The following ZFHX3 variants were observed in gnomAD, a reference collection of about 807,000 sequenced individuals.
ZFHX3 encodes zinc finger homeobox 3.
In ZFHX3, 42 loss-of-function variants were observed where a neutral mutation model predicts 279.1. That is an observed-to-expected ratio of 0.15 (90% CI 0.12 to 0.19). The LOEUF (loss-of-function observed/expected upper bound fraction) is 0.19, where lower values mean the gene tolerates loss of function less well. ZFHX3 is among the 10% of genes least tolerant of loss of function. ZFHX3 has a pLI of 1.00. For missense variants in ZFHX3, 4,981 were observed against 4,754.0 expected, an observed-to-expected ratio of 1.05 and a Z score of -1.40; for synonymous variants, 2,293 against 1,957.8, an observed-to-expected ratio of 1.17 and a Z score of -4.52.
At chr16:73,255,196 T>G (rs1011495912) in intron 5 of ZFHX3, among the ~76,000 whole-genome samples, 1 of 152,240 alleles carries the variant, frequency 6.6e-6, no homozygotes, top group Admixed American at 6.5e-5. Context: ...TACCTTTTTA[T>G]GAGTCATTGT....
At chr16:73,009,429 G>A (rs1001947520) in intron 1 of ZFHX3, among the ~76,000 whole-genome samples, 1 of 151,652 alleles carries the variant, frequency 6.6e-6, no homozygotes, top group South Asian at 2.1e-4. Flanking sequence ...ATGTACTCTT[G>A]GGAGCATTAT....
intron 2 of ZFHX3, among the ~76,000 whole-genome samples, chr16:73,559,978 G>A (rs943317371): frequency 1.3e-5 from 2 of 152,110 alleles, no homozygotes; most frequent in Admixed American, 1.3e-4. Flanking sequence ...CAGGATGCTT[G>A]TTATTAAAAG....
intron 9 of ZFHX3, among the ~76,000 whole-genome samples, chr16:72,792,759 G>GTTCT (rs2035755667): frequency 6.6e-6 from 1 of 152,140 alleles, no homozygotes; most frequent in South Asian, 2.1e-4. Context: ...CCTGATAGCA[G>GTTCT]TTCTTTTGCC....
At chr16:73,762,208 T>G (rs1006412177) in intron 1 of ZFHX3, among the ~76,000 whole-genome samples, 31 of 151,334 alleles carry the variant, frequency 2.0e-4, no homozygotes, top group African/African-American at 7.3e-4. Flanking sequence ...AAGATATTTA[T>G]GTGGCCAACA....
chr16:73,775,309 T>G (rs1445620552), intron 1 of ZFHX3, among the ~76,000 whole-genome samples: 1 of 152,184 alleles, frequency 6.6e-6, no homozygotes. Context: ...TTATTCTTAG[T>G]GAGGCCATCC....
chr16:73,390,751 A>C (rs6564150), intron 3 of ZFHX3, among the ~76,000 whole-genome samples: 1 of 151,782 alleles, frequency 6.6e-6, no homozygotes, highest in Non-Finnish European at 1.5e-5. Context: ...TTCTTTCATC[A>C]ATGAAAGGAG....
intron 2 of ZFHX3, among the ~76,000 whole-genome samples, chr16:73,529,087 A>G (rs2019746799): frequency 2.0e-5 from 3 of 152,224 alleles, no homozygotes; most frequent in South Asian, 2.1e-4. Context: ...AATACTCGTG[A>G]TGAGGCTAGA....
chr16:73,471,427 A>T (rs78338830), intron 2 of ZFHX3, among the ~76,000 whole-genome samples: 1 of 149,340 alleles, frequency 6.7e-6, no homozygotes. Context: ...TTTTTTTTTT[A>T]GACAGAATTT....
At chr16:73,518,698 G>GA (rs892214835) in intron 2 of ZFHX3, among the ~76,000 whole-genome samples, 9 of 151,980 alleles carry the variant, frequency 5.9e-5, no homozygotes, top group African/African-American at 1.7e-4. Flanking sequence ...TTTGCCGAAA[G>GA]AAAAAAAAGA....
chr16:73,460,743 G>T (rs1406950010), intron 2 of ZFHX3, among the ~76,000 whole-genome samples: 1 of 152,188 alleles, frequency 6.6e-6, no homozygotes, highest in Non-Finnish European at 1.5e-5. Context: ...TCTCATGAAT[G>T]CTTTAGCACC....
chr16:73,721,476 C>A lies in ZFHX3; in HGVS notation c.-1607-41236G>T, dbSNP rs182238015. ...GGCCCTGTGTCAGCTCTTGATTCCC[C>A]AGTCCTTGGATTTGCTGACCATTTA... On this transcript the variant is annotated intron_variant, in intron 1 of 17. Coordinates refer to the ZFHX3 transcript ENST00000641206. 1.4e-3 allele frequency among the ~76,000 whole-genome samples: 212 copies of A among 152,312 alleles called. 1 individual carries two copies. The highest frequency in any genetic ancestry group is 2.4e-3 in the Admixed American group (37 of 15,300).
chr16:73,658,535 T>C lies in ZFHX3; in HGVS notation c.-1547+21645A>G, dbSNP rs573346177. On this transcript the variant is annotated intron_variant, in intron 2 of 17. Transcript: ENST00000641206. ...CTAGGCTCGTCTCAAACTCCTGATC[T>C]CAGGTGATCTGCCCTCCTTGGTCTC... is the stretch of plus-strand genomic sequence containing the variant. 1.4e-4 allele frequency among the ~76,000 whole-genome samples: 21 copies of C among 152,298 alleles called. No individual in the cohort carries two copies. In the South Asian group the frequency reaches 4.2e-3, roughly 30 times the overall value.
intron 7 of ZFHX3, chr16:73,125,087 T>C (rs545503734): frequency 3.9e-5 from 6 of 151,914 alleles, no homozygotes; most frequent in African/African-American, 9.7e-5. Flanking sequence ...AAAGCAATAA[T>C]GCATAGGAAA....
intron 1 of ZFHX3, among the ~76,000 whole-genome samples, chr16:73,851,903 A>C (rs1386790869): frequency 2.0e-5 from 3 of 152,100 alleles, no homozygotes; most frequent in Non-Finnish European, 4.4e-5. Flanking sequence ...TGTCACAATG[A>C]TAGGGGAGGT....
chr16:73,028,552 G>A (rs535521680), intron 1 of ZFHX3, among the ~76,000 whole-genome samples: 1 of 152,312 alleles, frequency 6.6e-6, no homozygotes, highest in East Asian at 1.9e-4. Flanking sequence ...CACACCCAAG[G>A]GTGGGGAGAG....
At chr16:73,215,425 G>A (rs887940810) in intron 5 of ZFHX3, among the ~76,000 whole-genome samples, 1 of 152,174 alleles carries the variant, frequency 6.6e-6, no homozygotes, top group Non-Finnish European at 1.5e-5. Context: ...CAAACCAGAT[G>A]GGTCTGAAAG....
chr16:73,262,672 A>G (rs2013858522), intron 4 of ZFHX3, among the ~76,000 whole-genome samples: 1 of 152,182 alleles, frequency 6.6e-6, no homozygotes, highest in Admixed American at 6.5e-5. Flanking sequence ...GACAGGCACA[A>G]ATTCCTTGCA....
chr16:73,315,744 A>G (rs557653078), intron 4 of ZFHX3, among the ~76,000 whole-genome samples: 6 of 152,352 alleles, frequency 3.9e-5, no homozygotes, highest in African/African-American at 1.2e-4. Flanking sequence ...CAAAGTGCCT[A>G]AGGAGATGGT....
At chr16:73,083,019 A>G (rs1279074041) in intron 8 of ZFHX3, among the ~76,000 whole-genome samples, 1 of 44,790 alleles carries the variant, frequency 2.2e-5, no homozygotes, top group East Asian at 1.4e-3. Flanking sequence ...CTCCATCTCT[A>G]CTAAAAAAAA....
Sources: gnomAD v4.1 joint callset for allele counts (sites outside exome capture counted in the v4.1 genomes callset) on GRCh38, gnomAD v4.1.1 for gene constraint, MANE v1.5 for transcripts, NCBI Gene and HGNC (gene_info 2026-07-23, HGNC 2026-07-21) for gene names.